The following SRRM4 variants were observed in gnomAD, a reference collection of about 807,000 sequenced individuals.
SRRM4 encodes serine/arginine repetitive matrix 4, also known as serine/arginine repetitive matrix protein 4.
Under a neutral mutation model 68.9 loss-of-function variants are expected in SRRM4, and 33 were observed. That is an observed-to-expected ratio of 0.48 (90% confidence interval 0.36 to 0.64). The LOEUF (loss-of-function observed/expected upper bound fraction) is 0.64, where lower values mean the gene tolerates loss of function less well. SRRM4 is among the 30% of genes least tolerant of loss of function. SRRM4 has a pLI of 0.00. For synonymous variants in SRRM4, 318 were observed against 318.8 expected, an observed-to-expected ratio of 1.00 and a Z score of 0.03; for missense variants, 817 against 827.1, an observed-to-expected ratio of 0.99 and a Z score of 0.15.
At position 118,982,070 on chromosome 12, in the gene SRRM4, C is replaced by T. The variant is rs149947289; in HGVS notation, c.131+57C>T. ...TGAAGGTCCTCCTTTCTGGCCTGTGCCCCAGAGCCCGGAGGGGTGGATGCA... is the reference window on the plus strand; with the variant it reads ...TGAAGGTCCTCCTTTCTGGCCTGTGTCCCAGAGCCCGGAGGGGTGGATGCA... On this transcript the variant is annotated intron_variant, in intron 1 of 12. Transcript: ENST00000267260. 4.5e-6 allele frequency: 7 copies of T among 1,547,574 alleles called. No homozygotes were observed. In the Admixed American group the frequency reaches 7.8e-5, roughly 17 times the overall value.
At position 119,043,522 on chromosome 12, in the gene SRRM4, G is replaced by A. The variant is rs189284024; in HGVS notation, c.132-58714G>A. Among the ~76,000 whole-genome samples, 508 of 152,118 alleles carry A rather than the reference G, an allele frequency of 3.3e-3. 5 individuals carry two copies. Among genetic ancestry groups the A allele is most frequent in the African/African-American group, 0.011 (473 of 41,488 alleles). ...CCTATGTAACAAACCTGCACATCCT[G>A]CACATGTATCCCAGAACTTAATAAA... On this transcript the variant is annotated intron_variant, in intron 1 of 12. Transcript: ENST00000267260.
chr12:119,012,772 G>A (rs1953458206), intron 1 of SRRM4, among the ~76,000 whole-genome samples: 1 of 152,158 alleles, frequency 6.6e-6, no homozygotes, highest in African/African-American at 2.4e-5. Flanking sequence ...TATGTGGTCA[G>A]ATACTTCTCA....
chr12:119,109,324 A>G (rs1954127919), intron 2 of SRRM4, among the ~76,000 whole-genome samples: 1 of 152,110 alleles, frequency 6.6e-6, no homozygotes. Context: ...CTTGAGGAGT[A>G]TCTTGTGGCG....
At chr12:119,012,044 T>C (rs1420118526) in intron 1 of SRRM4, among the ~76,000 whole-genome samples, 1 of 152,234 alleles carries the variant, frequency 6.6e-6, no homozygotes, top group Non-Finnish European at 1.5e-5. Flanking sequence ...GTTGCCATAA[T>C]GCTCTTGGTG....
At chr12:119,003,166 G>A (rs1953396054) in intron 1 of SRRM4, among the ~76,000 whole-genome samples, 1 of 151,802 alleles carries the variant, frequency 6.6e-6, no homozygotes, top group Admixed American at 6.6e-5. Context: ...GCAAGGAAGG[G>A]CATATGGAAA....
chr12:118,996,988 G>A (rs960359882), intron 1 of SRRM4, among the ~76,000 whole-genome samples: 1 of 152,232 alleles, frequency 6.6e-6, no homozygotes, highest in Non-Finnish European at 1.5e-5. Context: ...TGAGGCAGGG[G>A]TGGAGTAGTG....
chr12:119,157,127 G>A lies in SRRM4; in HGVS notation c.*329G>A. 1 of 291,978 alleles carries A rather than the reference G, an allele frequency of 3.4e-6. No homozygotes were observed. The highest frequency in any genetic ancestry group is 6.3e-6 in the Non-Finnish European group (1 of 158,594). The allele number at this position is 291,978 out of a possible 1,614,324, so 18.1% of individuals were successfully genotyped here. ...TCTGTGACTCAAAAATTGAGCCCTG[G>A]CCAGGAAAATGTGGAGACAGTTCTT... is the stretch of plus-strand genomic sequence containing the variant. On this transcript the variant is annotated 3_prime_UTR_variant, in exon 13 of 13. Transcript: ENST00000267260. This position sits in a 1 kb window ranked among gnomAD's most constrained non-coding sequence, Gnocchi z 4.1.
At chr12:119,073,909 G>A (rs1003287322) in intron 1 of SRRM4, among the ~76,000 whole-genome samples, 1 of 152,138 alleles carries the variant, frequency 6.6e-6, no homozygotes, top group Non-Finnish European at 1.5e-5. Flanking sequence ...TGGGATTATA[G>A]GCAAGAGTCA....
chr12:119,076,340 G>C (rs1953916589), intron 1 of SRRM4, among the ~76,000 whole-genome samples: 1 of 152,056 alleles, frequency 6.6e-6, no homozygotes, highest in Non-Finnish European at 1.5e-5. Context: ...AAAAAAAAAT[G>C]GCTTTGAGAG....
intron 2 of SRRM4, among the ~76,000 whole-genome samples, chr12:119,110,531 G>A (rs981333439): frequency 2.6e-5 from 4 of 152,170 alleles, no homozygotes; most frequent in East Asian, 1.9e-4. Context: ...AATGGCGGAC[G>A]CCCCTGCCCC....
chr12:119,037,521 T>C (rs1405314260), intron 1 of SRRM4, among the ~76,000 whole-genome samples: 1 of 152,066 alleles, frequency 6.6e-6, no homozygotes, highest in African/African-American at 2.4e-5. Context: ...CCAAGGAAAA[T>C]AGATCTGCGT....
rs1954490194 is a variant in SRRM4 at position 119,158,822 on chromosome 12, A to G, written c.*2024A>G. ...AGAACCTCACGTTCGGACTGCCTTCATCAAGACAACTCTAGGGGACCATTT... is the reference window on the plus strand; with the variant it reads ...AGAACCTCACGTTCGGACTGCCTTCGTCAAGACAACTCTAGGGGACCATTT... On this transcript the variant is annotated 3_prime_UTR_variant, in exon 13 of 13. Transcript: ENST00000267260. The G allele has an allele frequency of 6.5e-6, 1 of 152,682 alleles. No homozygotes were observed. Among genetic ancestry groups the G allele is most frequent in the Non-Finnish European group, 1.5e-5 (1 of 68,046 alleles). 9.5% of individuals were successfully genotyped at this position (152,682 alleles called of 1,614,324 possible).
intron 1 of SRRM4, among the ~76,000 whole-genome samples, chr12:118,986,732 A>G (rs934707860): frequency 7.9e-5 from 12 of 151,980 alleles, no homozygotes; most frequent in African/African-American, 2.7e-4. Context: ...TGCCACTTGG[A>G]TGTGCTTTCT....
At chr12:119,091,431 C>T (rs1273960733) in intron 1 of SRRM4, among the ~76,000 whole-genome samples, 1 of 152,134 alleles carries the variant, frequency 6.6e-6, no homozygotes, top group African/African-American at 2.4e-5. Context: ...CTCTCCTTCC[C>T]AGGATCCCTT....
At chr12:119,019,034 A>G (rs1434641964) in intron 1 of SRRM4, among the ~76,000 whole-genome samples, 1 of 152,158 alleles carries the variant, frequency 6.6e-6, no homozygotes, top group Non-Finnish European at 1.5e-5. Context: ...CCAGAACTGA[A>G]CTGCTCCAGA....
At chr12:119,010,519 C>T (rs1026501944) in intron 1 of SRRM4, among the ~76,000 whole-genome samples, 3 of 152,148 alleles carry the variant, frequency 2.0e-5, no homozygotes, top group East Asian at 3.8e-4. Flanking sequence ...CCCTCCAGAT[C>T]GATTAAAACT....
rs778154280 is a variant in SRRM4 at position 119,156,702 on chromosome 12, CAGCCGGAGCCGGAGCAGGAGCCGG to C, written c.1763_1786del (p.Arg588_Ser595del). On this transcript the variant is annotated inframe_deletion, in exon 13 of 13. Coordinates refer to ENST00000267260, the MANE Select transcript of SRRM4 (RefSeq NM_194286.4). ...CCCGCAGCCCTAGTCCGGGCTCCCG[CAGCCGGAGCCGGAGCAGGAGCCGG>C]AGCCGGAGCCGGAGCAGGAGCCAGA... 66 of 1,548,688 alleles carry C rather than the reference CAGCCGGAGCCGGAGCAGGAGCCGG, an allele frequency of 4.3e-5. No individual in the cohort carries two copies. Among genetic ancestry groups the C allele is most frequent in the African/African-American group, 8.2e-5 (6 of 73,014 alleles).
At chr12:119,072,583 G>A (rs1178501607) in intron 1 of SRRM4, among the ~76,000 whole-genome samples, 1 of 151,844 alleles carries the variant, frequency 6.6e-6, no homozygotes, top group Non-Finnish European at 1.5e-5. Context: ...GTGAGATAAG[G>A]AGATTAATCA....
At chr12:119,017,149 AT>A (rs766030153) in intron 1 of SRRM4, among the ~76,000 whole-genome samples, 72 of 152,192 alleles carry the variant, frequency 4.7e-4, no homozygotes, top group Non-Finnish European at 8.5e-4. Context: ...GTTTTATTCC[AT>A]TTTTAATCTC....
Sources: gnomAD v4.1 joint callset for allele counts (sites outside exome capture counted in the v4.1 genomes callset) on GRCh38, gnomAD v4.1.1 for gene constraint, Gnocchi (gnomAD v3.1) non-coding constraint, MANE v1.5 for transcripts, NCBI Gene and HGNC (gene_info 2026-07-23, HGNC 2026-07-21) for gene names.